UPRT: variants seen among roughly 807,000 people sequenced by gnomAD.
The protein encoded by UPRT is RP11-311P8.3.
UPRT carries 5 observed loss-of-function variants against 22.6 expected under a neutral mutation model. That is an observed-to-expected ratio of 0.22 (90% confidence interval 0.12 to 0.47). The LOEUF (loss-of-function observed/expected upper bound fraction) is 0.47, where lower values mean the gene tolerates loss of function less well. UPRT is among the 20% of genes least tolerant of loss of function. UPRT has a pLI of 0.99. For missense variants in UPRT, 181 were observed against 239.9 expected, an observed-to-expected ratio of 0.75 and a Z score of 1.62; for synonymous variants, 77 against 87.7, an observed-to-expected ratio of 0.88 and a Z score of 0.68.
intron 4 of UPRT, among the ~76,000 whole-genome samples, chrX:75,239,243 C>T (rs1334630111): frequency 1.8e-5 from 2 of 111,292 alleles, no homozygotes; most frequent in East Asian, 5.6e-4. Context: ...GAAGAAGACC[C>T]TAATAAGCTG....
At chrX:75,252,253 A>T (rs1385052873) in intron 4 of UPRT, among the ~76,000 whole-genome samples, 1 of 112,172 alleles carries the variant, frequency 8.9e-6, no homozygotes, top group Admixed American at 9.5e-5. Context: ...AACAAAAGAA[A>T]CTACCATCAG....
intron 4 of UPRT, among the ~76,000 whole-genome samples, chrX:75,175,805 C>T (rs1008789142): frequency 1.8e-5 from 2 of 111,753 alleles, no homozygotes; most frequent in Non-Finnish European, 3.8e-5. Flanking sequence ...TTTCTGACCT[C>T]TCTCAACCGT....
In UPRT at chrX:75,300,937, C is replaced by G; in HGVS notation, c.795C>G (p.Ile265Met). The G allele has an allele frequency of 8.3e-7, 1 of 1,209,015 alleles. No homozygotes were observed. Among genetic ancestry groups the G allele is most frequent in the Non-Finnish European group, 1.1e-6 (1 of 893,699 alleles). Reference protein sequence around the residue: ...IEHGVQPSVIILLSLFSTPHG... With the variant: ...IEHGVQPSVIMLLSLFSTPHG... ...ATGGAGTTCAACCCAGTGTTATCAT[C>G]CTACTCAGTCTGTTCTCCACTCCTC... is the stretch of plus-strand genomic sequence containing the variant. The change falls in exon 6 of 7, where the codon ATC (isoleucine) becomes ATG (methionine). Residue 265 changes from isoleucine to methionine, a missense_variant. Ile to Met is a conservative substitution (Grantham distance 10). This residue lies in a region of UPRT where 70 missense variants were observed against 137.0 expected (regional missense o/e 0.51). Coordinates refer to ENST00000373383, the MANE Select transcript of UPRT (RefSeq NM_145052.4).
chrX:75,191,838 A>G (rs1284214827), intron 4 of UPRT, among the ~76,000 whole-genome samples: 2 of 110,866 alleles, frequency 1.8e-5, no homozygotes, highest in East Asian at 5.7e-4. Context: ...GAGTGACCCT[A>G]TTTTCCAGGT....
At chrX:75,224,068 C>A (rs1177866228) in intron 4 of UPRT, among the ~76,000 whole-genome samples, 4 of 111,292 alleles carry the variant, frequency 3.6e-5, no homozygotes, top group African/African-American at 1.3e-4. Context: ...AGTTATTGTA[C>A]TTTCAACTCC....
At chrX:75,190,882 T>A (rs28861977) in intron 4 of UPRT, among the ~76,000 whole-genome samples, 3,197 of 107,501 alleles carry the variant, frequency 0.03, 116 homozygotes, top group African/African-American at 0.11. Context: ...CATTTGTCTA[T>A]TTTTTTTTCA....
intron 2 of UPRT, among the ~76,000 whole-genome samples, chrX:75,294,325 C>T (rs941632563): frequency 5.4e-5 from 6 of 110,098 alleles, no homozygotes; most frequent in South Asian, 3.9e-4. Flanking sequence ...ACTAAAATTG[C>T]GTGAATCAGG....
Position 75,278,657 on chromosome X carries a change from TA to T in UPRT, c.386+4018del, listed in dbSNP as rs1194255780. On this transcript the variant is annotated intron_variant, in intron 1 of 6. Coordinates refer to ENST00000373383, the MANE Select transcript of UPRT (RefSeq NM_145052.4). The stretch of plus-strand genomic sequence containing the variant: ...CCTCCCTGTCCAGTTTTTTGTTTTT[TA>T]TTTTTTGTTTCCTGAAACATTAAAG... Among the ~76,000 whole-genome samples the T allele has an allele frequency of 4.5e-5, 5 of 112,332 alleles. No homozygotes were observed. The East Asian group carries it at 1.1e-3, about 25-fold the overall frequency.
intron 1 of UPRT, among the ~76,000 whole-genome samples, chrX:75,281,851 C>T (rs1163520881): frequency 9.0e-6 from 1 of 111,167 alleles, no homozygotes; most frequent in Non-Finnish European, 1.9e-5. Flanking sequence ...TTCAATTCTT[C>T]TTTGAATGTC....
intron 4 of UPRT, among the ~76,000 whole-genome samples, chrX:75,204,157 C>A (rs1028606794): frequency 9.2e-6 from 1 of 108,827 alleles, no homozygotes; most frequent in African/African-American, 3.4e-5. Context: ...ATACATGGGC[C>A]AATTATTAGT....
At position 75,185,728 on chromosome X, in the gene UPRT, C is replaced by A. The variant is rs766381896; in HGVS notation, c.-447+17849C>A. Among the ~76,000 whole-genome samples the A allele has an allele frequency of 3.1e-3, 350 of 111,941 alleles. 2 individuals are homozygous for A. The highest frequency in any genetic ancestry group is 5.2e-3 in the Non-Finnish European group (277 of 53,166). Reference sequence around the variant, plus strand: ...GTTATTGGTCTATTCAGAGATTCAACTTCTTCCTGGTTTAGTCTTGGGAGG... The same window carrying A: ...GTTATTGGTCTATTCAGAGATTCAAATTCTTCCTGGTTTAGTCTTGGGAGG... On this transcript the variant is annotated intron_variant, in intron 4 of 13. Transcript: ENST00000652605.
At chrX:75,201,052 T>C (rs2082345907) in intron 4 of UPRT, among the ~76,000 whole-genome samples, 1 of 112,539 alleles carries the variant, frequency 8.9e-6, no homozygotes, top group African/African-American at 3.2e-5. Context: ...CGAGTCATCA[T>C]CTACAAGATC....
At chrX:75,214,632 A>T (rs2082387806) in intron 4 of UPRT, among the ~76,000 whole-genome samples, 1 of 112,697 alleles carries the variant, frequency 8.9e-6, no homozygotes, top group African/African-American at 3.2e-5. Flanking sequence ...AATTTTAGCT[A>T]GGTGTGGTGG....
In UPRT at chrX:75,251,297, G is replaced by T. The variant is rs971468319; in HGVS notation, c.-446-39727G>T. 6.3e-5 allele frequency among the ~76,000 whole-genome samples: 7 copies of T among 111,560 alleles called. No individual in the cohort carries two copies. The South Asian group carries it at 1.1e-3, about 18-fold the overall frequency. On this transcript the variant is annotated intron_variant, in intron 4 of 13. Transcript: ENST00000652605. ...GTCCCTGTTTGCAGATGACATGATTGTATATCTAGAAAACCCGATCGTCTC... is the reference window on the plus strand; with the variant it reads ...GTCCCTGTTTGCAGATGACATGATTTTATATCTAGAAAACCCGATCGTCTC...
intron 4 of UPRT, among the ~76,000 whole-genome samples, chrX:75,186,123 A>C (rs1376532223): frequency 9.1e-6 from 1 of 110,175 alleles, no homozygotes; most frequent in South Asian, 3.9e-4. Flanking sequence ...TAGGGTGTCA[A>C]TTTTGGATCT....
rs1272024642 is a variant in UPRT at position 75,295,760 on chromosome X, G to A, written c.430-582G>A. Among the ~76,000 whole-genome samples, 31 of 111,612 alleles carry A rather than the reference G, an allele frequency of 2.8e-4. No homozygotes were observed. In the Admixed American group the frequency reaches 3.0e-3, roughly 11 times the overall value. On this transcript the variant is annotated intron_variant, in intron 2 of 6. Coordinates refer to ENST00000373383, the MANE Select transcript of UPRT (RefSeq NM_145052.4). ...GTAGTTCTGAGTGATGCTTTCCTTT[G>A]TACCACACATTATGATTGATATGAG... is the stretch of plus-strand genomic sequence containing the variant.
chrX:75,170,047 T>C (rs1052722603), intron 4 of UPRT, among the ~76,000 whole-genome samples: 16 of 103,425 alleles, frequency 1.5e-4, no homozygotes, highest in Non-Finnish European at 2.8e-4. Context: ...TTTTTTTTTT[T>C]TTTTTTTGAG....
chrX:75,171,389 C>CA (rs1445296371), intron 4 of UPRT, among the ~76,000 whole-genome samples: 1 of 111,715 alleles, frequency 9.0e-6, no homozygotes, highest in Non-Finnish European at 1.9e-5. Context: ...GTACATTTTG[C>CA]ATTTTGCTAA....
chrX:75,251,423 C>T (rs923483135), intron 4 of UPRT, among the ~76,000 whole-genome samples: 2 of 111,209 alleles, frequency 1.8e-5, no homozygotes, highest in African/African-American at 6.5e-5. Context: ...CAATAACAGA[C>T]AAACAGAGAC....
Sources: gnomAD v4.1 joint callset for allele counts (sites outside exome capture counted in the v4.1 genomes callset) on GRCh38, gnomAD v4.1.1 for gene constraint, gnomAD v4.1.1 regional missense constraint, MANE v1.5 for transcripts, NCBI Gene and HGNC (gene_info 2026-07-23, HGNC 2026-07-21) for gene names.